MSI1: variants seen among roughly 807,000 people sequenced by gnomAD.
MSI1 encodes the protein musashi RNA binding protein 1.
MSI1 carries 15 observed loss-of-function variants against 54.4 expected under a neutral mutation model. The ratio of observed to expected loss-of-function variants is 0.28; its 90% CI spans 0.18 to 0.42. MSI1 has a LOEUF of 0.42. Ranked by LOEUF, MSI1 falls within the 20% of genes least tolerant of loss-of-function variation. The pLI, the probability that MSI1 is intolerant of heterozygous loss-of-function variation, is 1.00. For synonymous variants in MSI1, 200 were observed against 196.5 expected (o/e 1.02, Z -0.15); for missense variants, 304 against 506.0 (o/e 0.60, Z 3.83).
chr12:120,346,816 C>T lies in MSI1; in HGVS notation c.860-494G>A, dbSNP rs1234172731. ...AGCCTTCCCTCGCCTTTCCTAGAGG[C>T]CCCAGCTGGGAGCTCCTCTGGTACT... On this transcript the variant is annotated intron_variant, in intron 12 of 14. Transcript: ENST00000257552. Among the ~76,000 whole-genome samples the T allele has an allele frequency of 2.0e-5, 3 of 152,308 alleles. No individual in the cohort carries two copies. In the East Asian group the frequency reaches 5.8e-4, roughly 29 times the overall value.
intron 14 of MSI1, among the ~76,000 whole-genome samples, chr12:120,344,836 G>A (rs186715378): frequency 3.3e-5 from 5 of 149,588 alleles, no homozygotes; most frequent in African/African-American, 9.9e-5. Context: ...GGCAAAACTC[G>A]TCTCTGCTAA....
chr12:120,352,843 C>T (rs1371245058), intron 10 of MSI1, among the ~76,000 whole-genome samples: 5 of 152,156 alleles, frequency 3.3e-5, no homozygotes, highest in South Asian at 2.1e-4. Context: ...AATGATAATG[C>T]TTTTCAACTG....
Position 120,356,929 on chromosome 12 carries a change from C to T in MSI1, c.625G>A (p.Ala209Thr), listed in dbSNP as rs1276733276. The change falls in exon 9 of 15, where the codon GCC (alanine) becomes ACC (threonine). Residue 209 changes from alanine (A) to threonine (T), a missense_variant. Transcript: ENST00000257552. ...RSRVMPYGMD[A>T]FMLGIGMLGY... ...AGCATGCCGATGCCCAGCATGAAGG[C>T]GTCCATTCCGTAGGGCATGACTCGA... 8 of 1,614,024 alleles carry T rather than the reference C, an allele frequency of 5.0e-6. No individual in the cohort carries two copies. Among genetic ancestry groups the T allele is most frequent in the South Asian group, 4.4e-5 (4 of 91,092 alleles).
At chr12:120,351,426 G>T (rs1321491761) in intron 10 of MSI1, 26 bp from the exon 11 acceptor site, 2 of 1,610,154 alleles carry the variant, frequency 1.2e-6, no homozygotes, top group Non-Finnish European at 1.7e-6. Context: ...AAACAGCTTA[G>T]GAAGAAGCAG....
At chr12:120,367,490 T>C (rs1173213650) in intron 4 of MSI1, among the ~76,000 whole-genome samples, 1 of 151,974 alleles carries the variant, frequency 6.6e-6, no homozygotes, top group Non-Finnish European at 1.5e-5. Flanking sequence ...GCAAAGCAGG[T>C]CCCTGTCTTC....
At chr12:120,347,256 G>C (rs1335081216) in intron 12 of MSI1, among the ~76,000 whole-genome samples, 190 bp downstream of exon 12, 3 of 152,210 alleles carry the variant, frequency 2.0e-5, no homozygotes, top group Non-Finnish European at 4.4e-5. Flanking sequence ...AGCCGACCCT[G>C]TCAGTCTTGC....
rs548708337 is a variant in MSI1, at chr12:120,350,056, C to G, written c.790+1288G>C. Among the ~76,000 whole-genome samples, 5 of 152,306 alleles carry G rather than the reference C, an allele frequency of 3.3e-5. No individual in the cohort carries two copies. In the East Asian group the frequency reaches 7.7e-4, roughly 24 times the overall value. On this transcript the variant is annotated intron_variant, in intron 11 of 14. Transcript: ENST00000257552. ...CAGTAGGTCCGTAACACATGGTGCT[C>G]TGTTGCCCAGGCTGGAGTGCAGTGA...
chr12:120,356,764 TC>T, intron 9 of MSI1, 137 bp downstream of exon 9: 2 of 780,358 alleles, frequency 2.6e-6, no homozygotes, highest in Admixed American at 4.5e-5. Context: ...ACCCGACAGA[TC>T]CCTTGTCCCC....
At chr12:120,364,174 G>A (rs191182615) in intron 5 of MSI1, among the ~76,000 whole-genome samples, 59 of 152,306 alleles carry the variant, frequency 3.9e-4, no homozygotes, top group African/African-American at 1.3e-3. Context: ...CTCTCACTGG[G>A]AGAACTCGCC....
At chr12:120,363,261 GCC>G (rs34243955) in intron 5 of MSI1, 126 bp from the exon 6 acceptor site, 355 of 554,404 alleles carry the variant, frequency 6.4e-4, no homozygotes, top group Admixed American at 1.0e-3. Flanking sequence ...CTCTTTAAAG[GCC>G]CCCCCCCCGC....
rs551495410 is a variant in MSI1, at chr12:120,351,563, A to G, written c.734-163T>C. Among the ~76,000 whole-genome samples, 57 of 151,850 alleles carry G rather than the reference A, an allele frequency of 3.8e-4. No homozygotes were observed. In the South Asian group the frequency reaches 0.012, roughly 32 times the overall value. On this transcript the variant is annotated intron_variant, in intron 10 of 14. Coordinates refer to ENST00000257552, the MANE Select transcript of MSI1 (RefSeq NM_002442.4). ...GAGCACAGTTCCCAGAAGGCAGGGG[A>G]GGGCAAGGAGACAGACACAGAGGAG...
intron 4 of MSI1, 64 bp from the exon 5 acceptor site, chr12:120,364,819 A>T: frequency 8.8e-6 from 13 of 1,478,376 alleles, no homozygotes; most frequent in Non-Finnish European, 1.2e-5. Flanking sequence ...GCGACCACAC[A>T]GCCTTCAGCC....
chr12:120,340,332 C>T (rs1873625516), downstream of MSI1, among the ~76,000 whole-genome samples: 1 of 152,192 alleles, frequency 6.6e-6, no homozygotes, highest in Non-Finnish European at 1.5e-5. Context: ...GATCCGCCCG[C>T]CTTGGCCTCC....
intron 8 of MSI1, 52 bp downstream of exon 8, chr12:120,357,764 C>A (rs944986559): frequency 1.3e-6 from 2 of 1,585,482 alleles, no homozygotes; most frequent in African/African-American, 2.7e-5. Flanking sequence ...CCTCAACCTC[C>A]CCAAAGTGCT....
chr12:120,345,710 A>G, intron 13 of MSI1, 78 bp from the exon 14 acceptor site: 4 of 1,555,514 alleles, frequency 2.6e-6, no homozygotes, highest in Non-Finnish European at 3.5e-6. Context: ...TCTGCAGGAC[A>G]TCTGAAGTGA....
At position 120,357,878 on chromosome 12, in the gene MSI1, C is replaced by G. The variant is rs1875273448; in HGVS notation, c.472G>C (p.Glu158Gln). The G allele has an allele frequency of 6.2e-7, 1 of 1,614,176 alleles. No homozygotes were observed. Among genetic ancestry groups the G allele is most frequent in the African/African-American group, 1.3e-5 (1 of 75,030 alleles). The change falls in exon 8 of 15, where the codon GAG becomes CAG. Residue 158 changes from glutamate to glutamine, a missense_variant. Physicochemically the swap from Glu to Gln is conservative, Grantham distance 29. Around this residue, in one of 4 missense-constraint regions of MSI1, gnomAD observed 105 missense variants for 230.1 expected, o/e 0.46. Coordinates refer to ENST00000257552, the MANE Select transcript of MSI1 (RefSeq NM_002442.4). ...ACTTTCTCCACGATGTCCTCACTCT[C>G]AAACGTGACAAACCCGAACCCTAGA... The part of the protein sequence containing the change: ...RHRGFGFVTF[E>Q]SEDIVEKVCE...
chr12:120,364,861 G>T (rs1875918478), intron 4 of MSI1, 106 bp from the exon 5 acceptor site: 2 of 964,390 alleles, frequency 2.1e-6, no homozygotes, highest in Non-Finnish European at 3.0e-6. Context: ...GGACACAAAG[G>T]TGACAGAAAT....
chr12:120,351,775 C>T (rs1486131886), intron 10 of MSI1, among the ~76,000 whole-genome samples: 3 of 147,198 alleles, frequency 2.0e-5, no homozygotes, highest in African/African-American at 7.6e-5. Flanking sequence ...GTGGCGCGAT[C>T]TCGGCTCACT....
Position 120,342,718 on chromosome 12 carries a change from G to A in MSI1, c.*409C>T, listed in dbSNP as rs1873775754. 6.6e-6 allele frequency: 1 copy of A among 151,298 alleles called. No homozygotes were observed. Among genetic ancestry groups the A allele is most frequent in the Non-Finnish European group, 1.5e-5 (1 of 67,832 alleles). The allele number at this position is 151,298 out of a possible 1,614,324, so 9.4% of individuals were successfully genotyped here. A position where few individuals can be genotyped will look rare whatever the true frequency, so the allele number is the denominator to read the frequency against. On this transcript the variant is annotated 3_prime_UTR_variant, in exon 15 of 15. Transcript: ENST00000257552. ...GAAATCTGAATAAAAAACAGGGGTT[G>A]GGCTGCGGCCTGTAGCAGGCTCCCT...
Sources: gnomAD v4.1 joint callset for allele counts (sites outside exome capture counted in the v4.1 genomes callset) on GRCh38, gnomAD v4.1.1 for gene constraint, gnomAD v4.1.1 regional missense constraint, MANE v1.5 for transcripts, NCBI Gene and HGNC (gene_info 2026-07-23, HGNC 2026-07-21) for gene names.